Variants in FMN1 observed in about 807,000 individuals in gnomAD.
FMN1 encodes the protein formin 1.
Under a neutral mutation model 132.4 loss-of-function variants are expected in FMN1, and 110 were observed. The ratio of observed to expected loss-of-function variants is 0.83; its 90% CI spans 0.71 to 0.97. The LOEUF is 0.97. FMN1 is among the 50% of genes least tolerant of loss of function. FMN1 has a pLI of 0.00. For synonymous variants in FMN1, 722 were observed against 651.7 expected (o/e 1.11, Z -1.64); for missense variants, 1,792 against 1,705.3 (o/e 1.05, Z -0.90).
intron 2 of FMN1, among the ~76,000 whole-genome samples, chr15:33,192,289 T>TC (rs1487308881): frequency 1.3e-5 from 2 of 152,194 alleles, no homozygotes; most frequent in African/African-American, 4.8e-5. Context: ...TTCCAGTCTG[T>TC]CCCCATTCCT....
At chr15:33,098,318 A>G (rs2141400551) in intron 4 of FMN1, among the ~76,000 whole-genome samples, 1 of 152,312 alleles carries the variant, frequency 6.6e-6, no homozygotes, top group Non-Finnish European at 1.5e-5. Flanking sequence ...GGCATAACTG[A>G]TGCATGATTA....
At chr15:32,888,369 G>T in intron 15 of FMN1, 77 bp from the exon 16 acceptor site, 1 of 1,208,930 alleles carries the variant, frequency 8.3e-7, no homozygotes, top group Non-Finnish European at 1.1e-6. Flanking sequence ...GCATCAATGA[G>T]AAAAAAAAAA....
At chr15:32,922,915 G>A (rs929016782) in intron 10 of FMN1, among the ~76,000 whole-genome samples, 1 of 152,200 alleles carries the variant, frequency 6.6e-6, no homozygotes, top group African/African-American at 2.4e-5. Flanking sequence ...TGATGGAAAT[G>A]ACATTTTAAT....
chr15:33,003,986 G>C (rs1282363641), intron 7 of FMN1, among the ~76,000 whole-genome samples: 2 of 151,670 alleles, frequency 1.3e-5, no homozygotes, highest in Non-Finnish European at 1.5e-5. Flanking sequence ...AAACTGGCTA[G>C]CCATACGTAC....
intron 4 of FMN1, among the ~76,000 whole-genome samples, chr15:33,107,232 A>C (rs2039521911): frequency 1.3e-5 from 2 of 152,018 alleles, no homozygotes; most frequent in Middle Eastern, 3.4e-3. Context: ...CACTTCACAC[A>C]TCATTACCAC....
At chr15:32,937,816 G>T (rs961347646) in intron 9 of FMN1, among the ~76,000 whole-genome samples, 1 of 152,164 alleles carries the variant, frequency 6.6e-6, no homozygotes, top group African/African-American at 2.4e-5. Context: ...TGAAGGAAGA[G>T]TAACGAGAAA....
At chr15:33,183,652 C>G (rs1181874191) in intron 2 of FMN1, among the ~76,000 whole-genome samples, 1 of 152,124 alleles carries the variant, frequency 6.6e-6, no homozygotes, top group Non-Finnish European at 1.5e-5. Context: ...ATTTATCAAA[C>G]AGTAGGAAGA....
intron 6 of FMN1, among the ~76,000 whole-genome samples, chr15:33,049,121 G>A (rs2036851927): frequency 6.6e-6 from 1 of 152,176 alleles, no homozygotes; most frequent in Non-Finnish European, 1.5e-5. Flanking sequence ...TGAACCTATT[G>A]GCCAGTTACC....
At chr15:32,973,226 TTCTGA>T (rs2031931059) in intron 7 of FMN1, among the ~76,000 whole-genome samples, 1 of 152,232 alleles carries the variant, frequency 6.6e-6, no homozygotes. Context: ...TCAACAGCTC[TTCTGA>T]TCTGTTTTCT....
Position 32,769,039 on chromosome 15 carries a change from G to A in FMN1, c.*5271C>T, listed in dbSNP as rs1332790958. 2 of 152,206 alleles carry A rather than the reference G, an allele frequency of 1.3e-5. No homozygotes were observed. The highest frequency in any genetic ancestry group is 6.5e-5 in the Admixed American group (1 of 15,280). 9.4% of individuals were successfully genotyped at this position (152,206 alleles called of 1,614,324 possible). A position where few individuals can be genotyped will look rare whatever the true frequency, so the allele number is the denominator to read the frequency against. On this transcript the variant is annotated 3_prime_UTR_variant, in exon 21 of 21. Coordinates refer to ENST00000616417, the MANE Select transcript of FMN1 (RefSeq NM_001277313.2). ...GTTAGGAGAAGGGCTGGGGATAGAG[G>A]AGGAAATGAGTTCCGTAAGTTCCAC...
intron 6 of FMN1, among the ~76,000 whole-genome samples, chr15:33,040,679 A>ATATG (rs776487217): frequency 6.6e-6 from 1 of 152,226 alleles, no homozygotes; most frequent in Non-Finnish European, 1.5e-5. Context: ...ACCAGATAGA[A>ATATG]TATGTGCTCT....
intron 9 of FMN1, among the ~76,000 whole-genome samples, chr15:32,935,388 TTC>T (rs1041215007): frequency 1.3e-5 from 2 of 152,154 alleles, no homozygotes; most frequent in African/African-American, 4.8e-5. Flanking sequence ...GCTTTCAAAA[TTC>T]TCTTTTTTGT....
At chr15:32,939,928 A>T (rs3812936) in intron 9 of FMN1, among the ~76,000 whole-genome samples, 8,188 of 152,256 alleles carry the variant, frequency 0.054, 258 homozygotes, top group East Asian at 0.12. Flanking sequence ...ACATAAGCAC[A>T]GATTTCAAAT....
intron 6 of FMN1, chr15:33,064,539 A>T (rs1178111716): frequency 6.5e-6 from 1 of 153,858 alleles, no homozygotes; most frequent in Admixed American, 6.5e-5. Flanking sequence ...ACTCTGCACA[A>T]GGTTCCTTTA....
intron 19 of FMN1, among the ~76,000 whole-genome samples, chr15:32,786,078 G>A (rs1348720636): frequency 1.3e-5 from 2 of 152,128 alleles, no homozygotes; most frequent in Admixed American, 6.5e-5. Flanking sequence ...AAATGTCCAC[G>A]TTCCCTAAAA....
intron 8 of FMN1, among the ~76,000 whole-genome samples, chr15:32,968,375 T>G (rs1009710139): frequency 8.5e-5 from 13 of 152,208 alleles, no homozygotes; most frequent in African/African-American, 3.1e-4. Flanking sequence ...GAAATCAGGT[T>G]CAATTCTTTA....
At chr15:33,109,023 G>T (rs751744273) in intron 4 of FMN1, among the ~76,000 whole-genome samples, 1 of 151,968 alleles carries the variant, frequency 6.6e-6, no homozygotes, top group Non-Finnish European at 1.5e-5. Flanking sequence ...ATTAACCCAA[G>T]AATAAACTAA....
intron 4 of FMN1, among the ~76,000 whole-genome samples, chr15:33,093,102 A>G (rs1244234576): frequency 6.6e-6 from 1 of 152,254 alleles, no homozygotes; most frequent in Admixed American, 6.5e-5. Flanking sequence ...GGACAAAATT[A>G]CAGTGCCTTT....
rs2058587002 is a variant in FMN1 at position 32,834,880 on chromosome 15, G to C, written c.3928+22135C>G. The stretch of plus-strand genomic sequence containing the variant: ...GGGTGCTTCATATTCACCACACAGA[G>C]AAATCTAAGGCTTTTATTCAGGTGA... On this transcript the variant is annotated intron_variant, in intron 17 of 20. Coordinates refer to ENST00000616417, the MANE Select transcript of FMN1 (RefSeq NM_001277313.2). Among the ~76,000 whole-genome samples, 4 of 152,128 alleles carry C rather than the reference G, an allele frequency of 2.6e-5. No homozygotes were observed. The South Asian group carries it at 8.3e-4, about 32-fold the overall frequency.
Sources: gnomAD v4.1 joint callset for allele counts (sites outside exome capture counted in the v4.1 genomes callset) on GRCh38, gnomAD v4.1.1 for gene constraint, MANE v1.5 for transcripts, NCBI Gene and HGNC (gene_info 2026-07-23, HGNC 2026-07-21) for gene names.